FGF9: variants seen among roughly 807,000 people sequenced by gnomAD.
FGF9 encodes the protein fibroblast growth factor 9, also known as fibroblast growth factor 9 (glia-activating factor).
Under a neutral mutation model 19.9 loss-of-function variants are expected in FGF9, and 3 were observed. That is an observed-to-expected ratio of 0.15 (90% CI 0.07 to 0.39). The LOEUF is 0.39. Among genes scored for constraint, FGF9 ranks in the 10% least tolerant of loss-of-function variants. The probability of loss-of-function intolerance (pLI) is 1.00; values close to 1 mark genes in which losing one functional copy is unlikely to be tolerated. For missense variants in FGF9, 175 were observed against 256.8 expected, an observed-to-expected ratio of 0.68 and a Z score of 2.18; for synonymous variants, 107 against 106.9, an observed-to-expected ratio of 1.00 and a Z score of -0.01.
At chr13:21,673,850 C>G (rs1417602638) in intron 1 of FGF9, among the ~76,000 whole-genome samples, 5 of 150,772 alleles carry the variant, frequency 3.3e-5, no homozygotes, top group African/African-American at 9.7e-5. Context: ...GGCAGGTGCC[C>G]GCTCGGCCGC....
At chr13:21,701,164 T>G (rs751978201) in intron 2 of FGF9, 26 bp from the exon 3 acceptor site, 1 of 1,606,448 alleles carries the variant, frequency 6.2e-7, no homozygotes, top group Non-Finnish European at 8.5e-7. Context: ...TTTTTCCTAA[T>G]GCTCTCCCTC....
At position 21,701,594 on chromosome 13, in the gene FGF9, T is replaced by A; in HGVS notation, c.*159T>A. ...GATGGAGGCTTGGATGGGAATATGC[T>A]GATTTTGTTCTGCACTTAAAGGCTT... On this transcript the variant is annotated 3_prime_UTR_variant, in exon 3 of 3. Coordinates refer to ENST00000382353, the MANE Select transcript of FGF9 (RefSeq NM_002010.3). The A allele has an allele frequency of 9.6e-7, 1 of 1,044,644 alleles. No individual in the cohort carries two copies. The allele number at this position is 1,044,644 out of a possible 1,614,324, so 64.7% of individuals were successfully genotyped here. A position where few individuals can be genotyped will look rare whatever the true frequency, so the allele number is the denominator to read the frequency against.
chr13:21,682,665 A>G (rs1162245703), intron 2 of FGF9, among the ~76,000 whole-genome samples: 1 of 151,562 alleles, frequency 6.6e-6, no homozygotes, highest in African/African-American at 2.4e-5. Flanking sequence ...TTAAAAAAAT[A>G]GAAAATGATC....
At chr13:21,673,601 A>G (rs1254458707) in intron 1 of FGF9, among the ~76,000 whole-genome samples, 5 of 152,236 alleles carry the variant, frequency 3.3e-5, no homozygotes, top group Non-Finnish European at 5.9e-5. Context: ...TGCAAAGAGA[A>G]GACTAAACTT....
chr13:21,677,189 C>T (rs910766179), intron 1 of FGF9, among the ~76,000 whole-genome samples: 1 of 152,122 alleles, frequency 6.6e-6, no homozygotes, highest in Non-Finnish European at 1.5e-5. Flanking sequence ...TACTGTGGGC[C>T]GTCTGAGCTA....
intron 2 of FGF9, among the ~76,000 whole-genome samples, chr13:21,688,267 A>G (rs1444518069): frequency 6.6e-6 from 1 of 152,256 alleles, no homozygotes; most frequent in African/African-American, 2.4e-5. Context: ...CGTCCTGTAC[A>G]AAGAATGCAG....
intron 2 of FGF9, among the ~76,000 whole-genome samples, chr13:21,685,098 C>T (rs560929593): frequency 9.9e-5 from 15 of 152,184 alleles, no homozygotes; most frequent in East Asian, 3.9e-4. Flanking sequence ...AGGAAAGAAA[C>T]GGGCAATGGT....
intron 2 of FGF9, among the ~76,000 whole-genome samples, chr13:21,686,406 A>G (rs2138138324): frequency 6.6e-6 from 1 of 152,362 alleles, no homozygotes; most frequent in Middle Eastern, 3.4e-3. Context: ...GAAAAAATTA[A>G]TCTCCTTCAA....
chr13:21,686,737 G>A lies in FGF9; in HGVS notation c.381+5592G>A, dbSNP rs566393796. On this transcript the variant is annotated intron_variant, in intron 2 of 2. Coordinates refer to ENST00000382353, the MANE Select transcript of FGF9 (RefSeq NM_002010.3). ...TATGTGCAGTTGGCACATGGTAAAT[G>A]TTTGTTGACCCAATTATTCACTCCG... is the stretch of plus-strand genomic sequence containing the variant. Among the ~76,000 whole-genome samples the A allele has an allele frequency of 2.6e-5, 4 of 152,344 alleles. No individual in the cohort carries two copies. In the South Asian group the frequency reaches 6.2e-4, roughly 24 times the overall value.
intron 1 of FGF9, among the ~76,000 whole-genome samples, chr13:21,677,584 A>G (rs754364643): frequency 2.6e-5 from 4 of 152,170 alleles, no homozygotes; most frequent in Admixed American, 6.5e-5. Context: ...AGAGGGTACC[A>G]GGAATGATGA....
intron 2 of FGF9, among the ~76,000 whole-genome samples, chr13:21,685,205 T>C (rs1872131011): frequency 6.6e-6 from 1 of 152,232 alleles, no homozygotes; most frequent in Admixed American, 6.5e-5. Flanking sequence ...ATTTTTTTTT[T>C]CTAAACGGTT....
chr13:21,698,154 G>T (rs1284048278), intron 2 of FGF9, among the ~76,000 whole-genome samples: 1 of 152,148 alleles, frequency 6.6e-6, no homozygotes, highest in East Asian at 1.9e-4. Flanking sequence ...GTGAAAAGTG[G>T]AAGGGCCTGG....
chr13:21,690,807 T>A (rs1275839708), intron 2 of FGF9, among the ~76,000 whole-genome samples: 1 of 152,240 alleles, frequency 6.6e-6, no homozygotes, highest in African/African-American at 2.4e-5. Context: ...CCATGTGCCA[T>A]GTTTTGTGCT....
At chr13:21,678,694 AG>A (rs1871970710) in intron 1 of FGF9, among the ~76,000 whole-genome samples, 1 of 152,214 alleles carries the variant, frequency 6.6e-6, no homozygotes, top group Non-Finnish European at 1.5e-5. Flanking sequence ...CAGGGAAAGC[AG>A]AAAGATCATC....
rs924047229 is a variant in FGF9 at position 21,702,179 on chromosome 13, A to G, written c.*744A>G. 2 of 152,140 alleles carry G rather than the reference A, an allele frequency of 1.3e-5. No homozygotes were observed. Among genetic ancestry groups the G allele is most frequent in the Non-Finnish European group, 2.9e-5 (2 of 68,032 alleles). 9.4% of individuals were successfully genotyped at this position (152,140 alleles called of 1,614,324 possible). ...CATTAAATGGCAAAGTCCGCTATGA[A>G]CCTGTGGTAAATTCATGCAAGTAGA... is the stretch of plus-strand genomic sequence containing the variant. On this transcript the variant is annotated 3_prime_UTR_variant, in exon 3 of 3. Coordinates refer to ENST00000382353, the MANE Select transcript of FGF9 (RefSeq NM_002010.3).
At chr13:21,680,997 C>A (rs541080306) in intron 1 of FGF9, 45 bp from the exon 2 acceptor site, 7 of 1,424,588 alleles carry the variant, frequency 4.9e-6, no homozygotes, top group Non-Finnish European at 6.9e-6. Flanking sequence ...TAAGGACATG[C>A]TCTGTGATCT....
intron 2 of FGF9, among the ~76,000 whole-genome samples, chr13:21,686,478 C>G (rs1369224143): frequency 6.6e-6 from 1 of 152,176 alleles, no homozygotes; most frequent in South Asian, 2.1e-4. Context: ...GGTACAGGTA[C>G]TAACATTGTA....
intron 2 of FGF9, among the ~76,000 whole-genome samples, chr13:21,697,601 G>A (rs1438737335): frequency 1.3e-5 from 2 of 151,882 alleles, no homozygotes; most frequent in African/African-American, 4.8e-5. Flanking sequence ...TTTTAAAAGG[G>A]GGGTTTTCGT....
rs1871795450 is a variant in FGF9 at position 21,672,607 on chromosome 13, G to A, written c.277+418G>A. Reference sequence around the variant, plus strand: ...AGTGGGTATCTTGTGCCCAAATTAAGGTTTTTTTCCTTTCCCCCTTTCCTC... The same window carrying A: ...AGTGGGTATCTTGTGCCCAAATTAAAGTTTTTTTCCTTTCCCCCTTTCCTC... On this transcript the variant is annotated intron_variant, in intron 1 of 2. Coordinates refer to ENST00000382353, the MANE Select transcript of FGF9 (RefSeq NM_002010.3). The surrounding 1 kb of genome is among the most constrained non-coding windows in gnomAD (Gnocchi z 4.2). Among the ~76,000 whole-genome samples, 1 of 152,126 alleles carries A rather than the reference G, an allele frequency of 6.6e-6. No homozygotes were observed. The highest frequency in any genetic ancestry group is 2.1e-4 in the South Asian group (1 of 4,828).
Sources: gnomAD v4.1 joint callset for allele counts (sites outside exome capture counted in the v4.1 genomes callset) on GRCh38, gnomAD v4.1.1 for gene constraint, Gnocchi (gnomAD v3.1) non-coding constraint, MANE v1.5 for transcripts, NCBI Gene and HGNC (gene_info 2026-07-23, HGNC 2026-07-21) for gene names.